Variants in TOX2 observed in about 807,000 individuals in gnomAD.
TOX2 encodes the protein TOX high mobility group box family member 2, also known as granulosa cell HMG box 1.
A neutral mutation model predicts 47.4 loss-of-function variants in TOX2; 15 were observed. That is an observed-to-expected ratio of 0.32 (90% CI 0.21 to 0.49). The LOEUF (loss-of-function observed/expected upper bound fraction) is 0.49. Ranked by LOEUF, TOX2 falls within the 20% of genes least tolerant of loss-of-function variation. The pLI is 0.99. For missense variants in TOX2, 622 were observed against 673.1 expected, an observed-to-expected ratio of 0.92 and a Z score of 0.84; for synonymous variants, 290 against 296.6, an observed-to-expected ratio of 0.98 and a Z score of 0.23.
intron 3 of TOX2, among the ~76,000 whole-genome samples, chr20:44,027,240 T>C (rs1169616606): frequency 2.7e-5 from 4 of 149,018 alleles, no homozygotes. Flanking sequence ...ATAAATTCTT[T>C]GGAAAGATGG....
rs111951284 is a variant in TOX2, at chr20:44,053,439, TACACACAC to T, written c.652-834_652-827del. On this transcript the variant is annotated intron_variant, in intron 4 of 8. Coordinates refer to ENST00000341197, the MANE Select transcript of TOX2 (RefSeq NM_001098797.2). ...GCTCACAAGTGGGAGGGCAGATATA[TACACACAC>T]ACACACACACACACACACACACACA... Among the ~76,000 whole-genome samples the T allele has an allele frequency of 3.1e-4, 44 of 143,142 alleles. No homozygotes were observed. In the South Asian group the frequency reaches 4.6e-3, roughly 15 times the overall value. The allele number at this position is 143,142 out of a possible 152,430, so 93.9% of individuals were successfully genotyped here.
chr20:44,064,436 G>T (rs1569151453), intron 5 of TOX2, among the ~76,000 whole-genome samples: 1 of 152,140 alleles, frequency 6.6e-6, no homozygotes, highest in African/African-American at 2.4e-5. Flanking sequence ...AAGGTGGTTC[G>T]GCATTAAGAA....
chr20:44,054,263 G>C, intron 4 of TOX2, 36 bp from the exon 5 acceptor site: 6 of 1,571,072 alleles, frequency 3.8e-6, no homozygotes, highest in Non-Finnish European at 5.2e-6. Flanking sequence ...AGGCCCTTGG[G>C]CTTCTTTGGT....
At chr20:44,044,526 C>A (rs1289368792) in intron 3 of TOX2, among the ~76,000 whole-genome samples, 1 of 151,960 alleles carries the variant, frequency 6.6e-6, no homozygotes, top group Non-Finnish European at 1.5e-5. Context: ...TATATCCCTA[C>A]CGGACAAAAT....
intron 4 of TOX2, among the ~76,000 whole-genome samples, chr20:44,053,413 T>C (rs2071550420): frequency 6.6e-6 from 1 of 150,942 alleles, no homozygotes; most frequent in African/African-American, 2.5e-5. Context: ...TTGGGGATTG[T>C]GCTCACAAGT....
chr20:43,926,727 A>G (rs1325144001), intron 1 of TOX2, among the ~76,000 whole-genome samples: 1 of 152,160 alleles, frequency 6.6e-6, no homozygotes, highest in African/African-American at 2.4e-5. Flanking sequence ...CAATTCCCAC[A>G]GGGAGTTTTT....
intron 1 of TOX2, among the ~76,000 whole-genome samples, chr20:43,967,154 T>C (rs981851202): frequency 4.6e-5 from 7 of 152,272 alleles, no homozygotes; most frequent in Non-Finnish European, 4.4e-5. Context: ...ACTGTGGGAC[T>C]GTGTGGAAGG....
At chr20:44,014,187 G>T (rs552537963) in intron 3 of TOX2, among the ~76,000 whole-genome samples, 52 of 147,742 alleles carry the variant, frequency 3.5e-4, no homozygotes, top group Non-Finnish European at 6.7e-4. Flanking sequence ...CTCATCACAT[G>T]GTGGCCTAGG....
chr20:43,935,456 A>G (rs2069313353), intron 1 of TOX2, among the ~76,000 whole-genome samples: 1 of 152,156 alleles, frequency 6.6e-6, no homozygotes, highest in Non-Finnish European at 1.5e-5. Flanking sequence ...GACGAGGAGG[A>G]ACTACTGTTC....
Position 44,065,845 on chromosome 20 carries a change from G to T in TOX2, c.1094G>T (p.Arg365Leu). Residue 365 changes from arginine to leucine, a missense_variant, in exon 7 of 9, where the codon CGC (arginine) becomes CTC (leucine). Physicochemically the swap from Arg to Leu is moderately radical, Grantham distance 102. Transcript: ENST00000341197. ...FLTPSDLQAF[R>L]SGASPASLAR... ...ACGCCGTCGGACCTGCAGGCCTTCC[G>T]CAGTGGGGCCTCCCCTGCCAGCCTC... 1.2e-6 allele frequency: 2 copies of T among 1,613,764 alleles called. No individual in the cohort carries two copies. Among genetic ancestry groups the T allele is most frequent in the Non-Finnish European group, 1.7e-6 (2 of 1,179,726 alleles).
intron 2 of TOX2, among the ~76,000 whole-genome samples, chr20:43,998,074 T>TA (rs1430210889): frequency 6.6e-6 from 1 of 152,134 alleles, no homozygotes; most frequent in Non-Finnish European, 1.5e-5. Context: ...TCAGGAAACT[T>TA]ACAATCATGG....
rs750976068 is a variant in TOX2, at chr20:44,026,248, T to TATATACAC, written c.411+19457_411+19458insTATACACA. ...ACTGTGATATATATATATATATATATAGACACACACACACACAATGGAATA... is the reference window on the plus strand; with the variant it reads ...ACTGTGATATATATATATATATATATATATACACAGACACACACACACACAATGGAATA... On this transcript the variant is annotated intron_variant, in intron 3 of 8. Coordinates refer to ENST00000341197, the MANE Select transcript of TOX2 (RefSeq NM_001098797.2). Among the ~76,000 whole-genome samples the TATATACAC allele has an allele frequency of 1.3e-4, 9 of 67,740 alleles. 1 individual carries two copies. Among genetic ancestry groups the TATATACAC allele is most frequent in the South Asian group, 4.6e-4 (1 of 2,162 alleles). 44.4% of individuals were successfully genotyped at this position (67,740 alleles called of 152,430 possible).
chr20:44,032,711 C>T (rs1199368921), intron 3 of TOX2, among the ~76,000 whole-genome samples: 1 of 152,160 alleles, frequency 6.6e-6, no homozygotes, highest in Admixed American at 6.5e-5. Flanking sequence ...ACGGGGACTC[C>T]CCACAGCCCC....
intron 2 of TOX2, among the ~76,000 whole-genome samples, chr20:43,995,487 G>A (rs938249691): frequency 3.3e-5 from 5 of 152,154 alleles, no homozygotes; most frequent in East Asian, 1.9e-4. Flanking sequence ...ACACTGAATC[G>A]CACTACAGTC....
chr20:44,059,726 G>A (rs1255039211), intron 5 of TOX2, among the ~76,000 whole-genome samples: 1 of 152,070 alleles, frequency 6.6e-6, no homozygotes, highest in Admixed American at 6.6e-5. Context: ...CCACTGCCAA[G>A]CCAGCACTGC....
At chr20:43,969,480 A>C (rs1030155672) in intron 1 of TOX2, among the ~76,000 whole-genome samples, 3 of 152,208 alleles carry the variant, frequency 2.0e-5, no homozygotes, top group African/African-American at 7.2e-5. Flanking sequence ...TCATTTAGCC[A>C]GAAAAGGTCC....
chr20:43,976,755 T>G (rs1430665267), intron 2 of TOX2, among the ~76,000 whole-genome samples: 2 of 151,434 alleles, frequency 1.3e-5, no homozygotes, highest in African/African-American at 4.9e-5. Flanking sequence ...CTGGAGTGCT[T>G]CTTGAACTCA....
At chr20:43,965,985 G>A (rs1232858547) in intron 1 of TOX2, among the ~76,000 whole-genome samples, 1 of 152,172 alleles carries the variant, frequency 6.6e-6, no homozygotes, top group African/African-American at 2.4e-5. Context: ...GGGCTGATAA[G>A]GGGATAGGAG....
At chr20:43,963,616 G>C (rs912555219) in intron 1 of TOX2, among the ~76,000 whole-genome samples, 1 of 152,152 alleles carries the variant, frequency 6.6e-6, no homozygotes, top group African/African-American at 2.4e-5. Flanking sequence ...GTGATGGGGA[G>C]GATTTATCAC....
Sources: gnomAD v4.1 joint callset for allele counts (sites outside exome capture counted in the v4.1 genomes callset) on GRCh38, gnomAD v4.1.1 for gene constraint, MANE v1.5 for transcripts, NCBI Gene and HGNC (gene_info 2026-07-23, HGNC 2026-07-21) for gene names.